COL4A2: variants seen among roughly 807,000 people sequenced by gnomAD.
COL4A2 encodes the protein collagen type IV alpha 2 chain.
Under a neutral mutation model 200.2 loss-of-function variants are expected in COL4A2, and 99 were observed. The ratio of observed to expected loss-of-function variants is 0.49; its 90% CI spans 0.42 to 0.58. The LOEUF (loss-of-function observed/expected upper bound fraction) is 0.58. Ranked by LOEUF, COL4A2 falls within the 20% of genes least tolerant of loss-of-function variation. The probability of loss-of-function intolerance (pLI) is 0.00; values close to 1 mark genes in which losing one functional copy is unlikely to be tolerated. For missense variants in COL4A2, 1,950 were observed against 2,314.1 expected (o/e 0.84, Z 3.23); for synonymous variants, 897 against 900.6 (o/e 1.00, Z 0.07).
intron 40 of COL4A2, among the ~76,000 whole-genome samples, chr13:110,496,500 C>T (rs1025587541): frequency 6.6e-6 from 1 of 152,368 alleles, no homozygotes. Flanking sequence ...TGCCAGAGCC[C>T]TAGTCAGGGT....
chr13:110,425,337 G>A (rs773860932), intron 6 of COL4A2, among the ~76,000 whole-genome samples: 3 of 152,160 alleles, frequency 2.0e-5, no homozygotes, highest in Non-Finnish European at 4.4e-5. Flanking sequence ...ATATAAAGTC[G>A]TTCAGCCAAG....
chr13:110,469,397 G>A, intron 28 of COL4A2, 73 bp downstream of exon 28: 1 of 1,423,218 alleles, frequency 7.0e-7, no homozygotes, highest in Non-Finnish European at 9.6e-7. Flanking sequence ...TAAGCATCCA[G>A]CTCTATTATC....
intron 10 of COL4A2, among the ~76,000 whole-genome samples, chr13:110,431,741 A>T (rs978372969): frequency 1.3e-5 from 2 of 152,094 alleles, no homozygotes; most frequent in Non-Finnish European, 2.9e-5. Flanking sequence ...AATCATCCAC[A>T]ACCCCCTCCC....
chr13:110,481,848 T>A (rs1882938779), intron 31 of COL4A2, among the ~76,000 whole-genome samples: 1 of 112,440 alleles, frequency 8.9e-6, no homozygotes, highest in Admixed American at 8.1e-5. Flanking sequence ...GGAGACACAC[T>A]GCTCTGTCCC....
intron 4 of COL4A2, among the ~76,000 whole-genome samples, chr13:110,397,336 A>G (rs61963202): frequency 0.025 from 3,781 of 152,322 alleles, 66 homozygotes; most frequent in Middle Eastern, 0.071. Context: ...ATCACAAGCC[A>G]TCACTCTGGG....
intron 10 of COL4A2, among the ~76,000 whole-genome samples, chr13:110,431,108 C>T (rs1000926787): frequency 2.6e-5 from 4 of 152,202 alleles, no homozygotes; most frequent in Non-Finnish European, 5.9e-5. Flanking sequence ...CTTGCTGAGG[C>T]TTGTGTAGCT....
rs533365569 is a variant in COL4A2, at chr13:110,389,578, A to G, written c.180+32026A>G. 1.6e-4 allele frequency among the ~76,000 whole-genome samples: 24 copies of G among 152,202 alleles called. No homozygotes were observed. The East Asian group carries it at 2.7e-3, about 17-fold the overall frequency. Reference sequence around the variant, plus strand: ...CTTCTCAGACCCCTCTGTCTTCCCTATGGTCTATTAATCTCCCCATGCAAG... The same window carrying G: ...CTTCTCAGACCCCTCTGTCTTCCCTGTGGTCTATTAATCTCCCCATGCAAG... On this transcript the variant is annotated intron_variant, in intron 4 of 47. Coordinates refer to ENST00000360467, the MANE Select transcript of COL4A2 (RefSeq NM_001846.4).
At chr13:110,475,344 G>A (rs969886687) in intron 29 of COL4A2, among the ~76,000 whole-genome samples, 1 of 152,188 alleles carries the variant, frequency 6.6e-6, no homozygotes, top group Non-Finnish European at 1.5e-5. Flanking sequence ...TTCACAGAAG[G>A]CAAAGTGAAG....
chr13:110,491,634 C>T (rs367998), intron 37 of COL4A2, among the ~76,000 whole-genome samples: 1 of 151,954 alleles, frequency 6.6e-6, no homozygotes, highest in Non-Finnish European at 1.5e-5. Context: ...GATCCCTTTG[C>T]TTGCATTGAA....
chr13:110,344,673 T>TG (rs1368839554), intron 3 of COL4A2, among the ~76,000 whole-genome samples: 1 of 152,164 alleles, frequency 6.6e-6, no homozygotes, highest in Non-Finnish European at 1.5e-5. Flanking sequence ...TTCTCTCTCT[T>TG]GCCTCGCTCA....
In COL4A2 at chr13:110,346,178, A is replaced by G. The variant is rs573039727; in HGVS notation, c.100-11294A>G. The stretch of plus-strand genomic sequence containing the variant: ...AACAGTATCAAAATACTTGAAAAGA[A>G]AGAGAACTCTTTCTTGTTTGAGGCT... On this transcript the variant is annotated intron_variant, in intron 3 of 47. Transcript: ENST00000360467. 1.0e-3 allele frequency among the ~76,000 whole-genome samples: 159 copies of G among 152,304 alleles called. 1 individual carries two copies. Among genetic ancestry groups the G allele is most frequent in the Non-Finnish European group, 5.9e-4 (40 of 68,018 alleles).
intron 47 of COL4A2, among the ~76,000 whole-genome samples, chr13:110,509,770 GC>G (rs1185177607): frequency 6.6e-6 from 1 of 152,142 alleles, no homozygotes; most frequent in African/African-American, 2.4e-5. Flanking sequence ...ATGGCTGACA[GC>G]CCCAGCAAGC....
chr13:110,326,711 C>T (rs1885424159), intron 3 of COL4A2, among the ~76,000 whole-genome samples: 1 of 152,192 alleles, frequency 6.6e-6, no homozygotes, highest in Admixed American at 6.5e-5. Context: ...ATCAGTGACT[C>T]CTGGTCTGCT....
intron 10 of COL4A2, among the ~76,000 whole-genome samples, chr13:110,431,828 A>G (rs1213986552): frequency 6.6e-6 from 1 of 152,244 alleles, no homozygotes; most frequent in Non-Finnish European, 1.5e-5. Flanking sequence ...TCCTAAGCAC[A>G]GTGTTGACAC....
At chr13:110,401,860 G>A (rs1879382958) in intron 4 of COL4A2, among the ~76,000 whole-genome samples, 3 of 152,150 alleles carry the variant, frequency 2.0e-5, no homozygotes, top group Admixed American at 2.0e-4. Context: ...ATTCATAGAT[G>A]GTGCCCTGCT....
chr13:110,357,156 C>T (rs528391181), intron 3 of COL4A2, among the ~76,000 whole-genome samples: 1 of 152,030 alleles, frequency 6.6e-6, no homozygotes, highest in African/African-American at 2.4e-5. Context: ...GATGGTGATG[C>T]GGGCAGACTC....
At chr13:110,352,335 C>T (rs191577228) in intron 3 of COL4A2, among the ~76,000 whole-genome samples, 1 of 152,310 alleles carries the variant, frequency 6.6e-6, no homozygotes. Context: ...TACTTAAGGA[C>T]CCACTGTTCC....
chr13:110,425,469 A>G (rs1880436902), intron 6 of COL4A2, among the ~76,000 whole-genome samples: 1 of 152,232 alleles, frequency 6.6e-6, no homozygotes, highest in Admixed American at 6.5e-5. Context: ...TCAAAATGCA[A>G]TAAAATGTGT....
chr13:110,308,207 G>T, intron 3 of COL4A2, 84 bp downstream of exon 3: 1 of 1,491,538 alleles, frequency 6.7e-7, no homozygotes, highest in Non-Finnish European at 9.3e-7. Context: ...CAGCTCGTCC[G>T]TGCGCTCCCG....
Sources: gnomAD v4.1 joint callset for allele counts (sites outside exome capture counted in the v4.1 genomes callset) on GRCh38, gnomAD v4.1.1 for gene constraint, MANE v1.5 for transcripts, NCBI Gene and HGNC (gene_info 2026-07-23, HGNC 2026-07-21) for gene names.